The following LRRC9 variants were observed in gnomAD, a reference collection of about 807,000 sequenced individuals.
LRRC9 encodes leucine rich repeat containing 9.
LRRC9 carries 122 observed loss-of-function variants against 63.2 expected under a neutral mutation model. The ratio of observed to expected loss-of-function variants is 1.93; its 90% CI spans 1.67 to 2.24. The LOEUF (loss-of-function observed/expected upper bound fraction) is 2.24. Ranked by LOEUF, LRRC9 falls within the 30% of genes most tolerant of loss-of-function variation. LRRC9 has a pLI of 0.00. For missense variants in LRRC9, 1,071 were observed against 627.7 expected, an observed-to-expected ratio of 1.71 and a Z score of -7.55; for synonymous variants, 366 against 213.1, an observed-to-expected ratio of 1.72 and a Z score of -6.25.
chr14:59,931,448 G>T (rs780214657), intron 4 of LRRC9, among the ~76,000 whole-genome samples, 171 bp from the exon 5 acceptor site: 2 of 151,946 alleles, frequency 1.3e-5, no homozygotes, highest in Admixed American at 1.3e-4. Flanking sequence ...CTGAGTTCCA[G>T]TATAGAGAAC....
intron 24 of LRRC9, among the ~76,000 whole-genome samples, chr14:60,018,147 G>T (rs219390): frequency 0.74 from 111,717 of 151,694 alleles, 43,566 homozygotes; most frequent in Non-Finnish European, 0.87. Context: ...TGTTTTTTTT[G>T]AAAGCAACCA....
intron 14 of LRRC9, 90 bp from the exon 15 acceptor site, chr14:59,977,927 T>A: frequency 1.8e-6 from 1 of 552,280 alleles, no homozygotes; most frequent in Non-Finnish European, 3.3e-6. Context: ...ACTTATTGAG[T>A]TTGTTAATTA....
chr14:60,013,246 G>T (rs569150371), intron 23 of LRRC9, among the ~76,000 whole-genome samples: 1 of 151,996 alleles, frequency 6.6e-6, no homozygotes, highest in East Asian at 1.9e-4. Context: ...AGATATCAAG[G>T]AATATTTAAT....
chr14:59,980,737 G>A (rs1886839202), intron 15 of LRRC9, among the ~76,000 whole-genome samples: 1 of 152,108 alleles, frequency 6.6e-6, no homozygotes, highest in Non-Finnish European at 1.5e-5. Flanking sequence ...TTGCTATAAT[G>A]AATGGGATTA....
chr14:60,006,680 G>T (rs1889835555), intron 22 of LRRC9, 63 bp downstream of exon 22: 1 of 537,088 alleles, frequency 1.9e-6, no homozygotes, highest in African/African-American at 2.0e-5. Flanking sequence ...TATTATGAAA[G>T]TAATGCATGT....
chr14:59,955,043 G>A (rs767593101), intron 8 of LRRC9, among the ~76,000 whole-genome samples: 1 of 152,158 alleles, frequency 6.6e-6, no homozygotes, highest in Non-Finnish European at 1.5e-5. Context: ...GATTTGGTTT[G>A]CCAGTATTTT....
At chr14:60,032,856 C>G (rs1486778826) in intron 29 of LRRC9, among the ~76,000 whole-genome samples, 1 of 152,014 alleles carries the variant, frequency 6.6e-6, no homozygotes, top group African/African-American at 2.4e-5. Flanking sequence ...CACTCCACTT[C>G]CCCTAGTAGA....
chr14:60,024,782 A>T (rs1437974945), intron 27 of LRRC9, among the ~76,000 whole-genome samples: 1 of 152,050 alleles, frequency 6.6e-6, no homozygotes, highest in Non-Finnish European at 1.5e-5. Flanking sequence ...CCAAATAATG[A>T]ATATAGTATC....
intron 7 of LRRC9, among the ~76,000 whole-genome samples, chr14:59,943,269 T>C (rs904622348): frequency 2.6e-5 from 4 of 152,132 alleles, no homozygotes; most frequent in African/African-American, 7.2e-5. Flanking sequence ...TTTCTTCTAG[T>C]AGTTTTATGG....
At chr14:60,064,592 C>G (rs1263346513), downstream of LRRC9, among the ~76,000 whole-genome samples, 1 of 152,032 alleles carries the variant, frequency 6.6e-6, no homozygotes, top group Admixed American at 6.5e-5. Context: ...ATTGATTTTG[C>G]TCTTTGTAAT....
intron 29 of LRRC9, among the ~76,000 whole-genome samples, chr14:60,040,861 T>TC (rs1892885975): frequency 6.6e-6 from 1 of 151,992 alleles, no homozygotes; most frequent in East Asian, 1.9e-4. Flanking sequence ...GTATTGATGG[T>TC]CTTTACAATT....
chr14:59,958,746 CT>C lies in LRRC9; in HGVS notation c.883-1071del, dbSNP rs1884058014. Among the ~76,000 whole-genome samples the C allele has an allele frequency of 1.3e-5, 2 of 152,350 alleles. No individual in the cohort carries two copies. Among genetic ancestry groups the C allele is most frequent in the South Asian group, 2.1e-4 (1 of 4,830 alleles). On this transcript the variant is annotated intron_variant, in intron 8 of 31. Coordinates refer to ENST00000445360, the Ensembl canonical transcript of LRRC9. This position sits in a 1 kb window ranked among gnomAD's most constrained non-coding sequence, Gnocchi z 4.0. ...AGTTTTGTGCTTGAAACACAGAGCC[CT>C]GGTGGTATAGGCACACGAGGGAATC...
chr14:60,014,911 T>C (rs1208990161), intron 23 of LRRC9, among the ~76,000 whole-genome samples: 8 of 151,904 alleles, frequency 5.3e-5, no homozygotes, highest in Non-Finnish European at 1.0e-4. Context: ...ATTAAATCTT[T>C]TTTATGGTTC....
At chr14:59,957,436 G>A (rs981188508) in intron 8 of LRRC9, among the ~76,000 whole-genome samples, 3 of 151,916 alleles carry the variant, frequency 2.0e-5, no homozygotes, top group Non-Finnish European at 4.4e-5. Context: ...GGATACTTGT[G>A]TATGCTTCAT....
Position 59,938,102 on chromosome 14 carries a change from A to G in LRRC9, c.544-288A>G, listed in dbSNP as rs906263657. 6.6e-6 allele frequency among the ~76,000 whole-genome samples: 1 copy of G among 152,100 alleles called. No homozygotes were observed. Among genetic ancestry groups the G allele is most frequent in the African/African-American group, 2.4e-5 (1 of 41,424 alleles). ...GCTGTGTAGGGGAAGCAACTTATTAATGAATAAATGTGCTCACATCACTGG... is the reference window on the plus strand; with the variant it reads ...GCTGTGTAGGGGAAGCAACTTATTAGTGAATAAATGTGCTCACATCACTGG... On this transcript the variant is annotated intron_variant, in intron 6 of 31. Transcript: ENST00000445360. This position sits in a 1 kb window ranked among gnomAD's most constrained non-coding sequence, Gnocchi z 4.2.
In LRRC9 at chr14:60,051,024, C is replaced by T. The variant is rs909920548; in HGVS notation, c.3991-2041C>T. Among the ~76,000 whole-genome samples the T allele has an allele frequency of 6.6e-6, 1 of 152,140 alleles. No homozygotes were observed. The highest frequency in any genetic ancestry group is 2.4e-5 in the African/African-American group (1 of 41,420). ...CACCTGTAGGAGGTGTCTGGAGACC[C>T]CTGTTAAGAGTTCTCACCCAGTCAG... On this transcript the variant is annotated intron_variant, in intron 29 of 31. Coordinates refer to ENST00000445360, the Ensembl canonical transcript of LRRC9. This position sits in a 1 kb window ranked among gnomAD's most constrained non-coding sequence, Gnocchi z 4.7.
intron 6 of LRRC9, among the ~76,000 whole-genome samples, chr14:59,935,175 C>T (rs1327472658): frequency 1.3e-5 from 2 of 150,024 alleles, no homozygotes; most frequent in Non-Finnish European, 3.0e-5. Context: ...CGCCTGTAAT[C>T]CCAGCCTATT....
At chr14:59,983,331 A>G (rs1887134194) in intron 16 of LRRC9, among the ~76,000 whole-genome samples, 1 of 152,234 alleles carries the variant, frequency 6.6e-6, no homozygotes, top group Non-Finnish European at 1.5e-5. Flanking sequence ...AATGTGCAGC[A>G]TAATAAGAGC....
At chr14:60,023,326 T>C (rs567270924) in intron 27 of LRRC9, among the ~76,000 whole-genome samples, 2 of 152,062 alleles carry the variant, frequency 1.3e-5, no homozygotes, top group South Asian at 4.1e-4. Context: ...TTAAGTGCAA[T>C]AGAAGTTCAG....
Sources: allele counts gnomAD v4.1 joint callset (sites outside exome capture counted in the v4.1 genomes callset), GRCh38; gene constraint gnomAD v4.1.1; non-coding constraint Gnocchi (gnomAD v3.1); transcripts MANE v1.5; gene names NCBI Gene and HGNC (gene_info 2026-07-23, HGNC 2026-07-21).